THSD7B: variants seen among roughly 807,000 people sequenced by gnomAD.
The protein encoded by THSD7B is thrombospondin type-1 domain-containing protein 7B.
THSD7B carries 138 observed loss-of-function variants against 213.6 expected under a neutral mutation model. The observed-to-expected ratio is 0.65, with a 90% confidence interval of 0.56 to 0.74. The LOEUF (loss-of-function observed/expected upper bound fraction) is 0.74, where lower values mean the gene tolerates loss of function less well. Ranked by LOEUF, THSD7B falls within the 30% of genes least tolerant of loss-of-function variation. The probability of loss-of-function intolerance (pLI) is 0.00; values close to 1 mark genes in which losing one functional copy is unlikely to be tolerated. For missense variants in THSD7B, 1,931 were observed against 1,991.5 expected (o/e 0.97, Z 0.58); for synonymous variants, 742 against 687.0 (o/e 1.08, Z -1.25).
chr2:137,422,816 A>T (rs1686957220), intron 14 of THSD7B, among the ~76,000 whole-genome samples: 1 of 152,154 alleles, frequency 6.6e-6, no homozygotes, highest in African/African-American at 2.4e-5. Context: ...ATATTTCTAA[A>T]TCCAGAATTA....
chr2:137,092,689 C>T (rs942447334), intron 3 of THSD7B, among the ~76,000 whole-genome samples: 12 of 152,124 alleles, frequency 7.9e-5, no homozygotes, highest in South Asian at 2.1e-4. Flanking sequence ...GGCTGGAGTG[C>T]GGTGGTGCAG....
At chr2:137,552,603 G>T (rs1048631541) in intron 15 of THSD7B, among the ~76,000 whole-genome samples, 5 of 152,126 alleles carry the variant, frequency 3.3e-5, no homozygotes, top group African/African-American at 7.2e-5. Context: ...ATCACTGCTG[G>T]CCAGATACTA....
intron 7 of THSD7B, among the ~76,000 whole-genome samples, chr2:137,185,050 A>G (rs540189986): frequency 9.9e-5 from 15 of 152,256 alleles, no homozygotes; most frequent in African/African-American, 3.4e-4. Flanking sequence ...CAGCTACATT[A>G]TGGAGAATAA....
intron 2 of THSD7B, among the ~76,000 whole-genome samples, chr2:136,977,150 A>G (rs1685494981): frequency 6.6e-6 from 1 of 152,080 alleles, no homozygotes; most frequent in Admixed American, 6.5e-5. Flanking sequence ...AGAACTTATT[A>G]TTGGTCTATT....
At chr2:137,232,165 C>G (rs907026762) in intron 8 of THSD7B, among the ~76,000 whole-genome samples, 2 of 151,996 alleles carry the variant, frequency 1.3e-5, no homozygotes, top group African/African-American at 2.4e-5. Context: ...GAAGAGTAGG[C>G]AAAGATCGAT....
At chr2:137,499,286 A>G (rs1679647624) in intron 15 of THSD7B, among the ~76,000 whole-genome samples, 1 of 152,214 alleles carries the variant, frequency 6.6e-6, no homozygotes, top group Non-Finnish European at 1.5e-5. Context: ...GGTTCATTGT[A>G]AATCTAAAAT....
chr2:137,071,147 C>T (rs533900137), intron 3 of THSD7B, among the ~76,000 whole-genome samples: 1 of 152,284 alleles, frequency 6.6e-6, no homozygotes, highest in African/African-American at 2.4e-5. Context: ...CACTGACTTC[C>T]ACAATGGTTG....
intron 3 of THSD7B, among the ~76,000 whole-genome samples, chr2:137,060,682 G>A (rs1230825478): frequency 6.6e-6 from 1 of 151,880 alleles, no homozygotes; most frequent in Non-Finnish European, 1.5e-5. Flanking sequence ...GTTGATATGA[G>A]TCTGTTCTAT....
At chr2:137,140,704 C>T (rs577620922) in intron 5 of THSD7B, among the ~76,000 whole-genome samples, 3 of 152,054 alleles carry the variant, frequency 2.0e-5, no homozygotes, top group Admixed American at 1.3e-4. Flanking sequence ...TATTGAGTGT[C>T]CATTTTATGA....
chr2:137,295,408 A>G (rs145598722), intron 12 of THSD7B, among the ~76,000 whole-genome samples: 1 of 152,210 alleles, frequency 6.6e-6, no homozygotes, highest in African/African-American at 2.4e-5. Context: ...GCTGCATATT[A>G]TGCCTTCATC....
chr2:137,025,533 G>A (rs1239521851), intron 2 of THSD7B, among the ~76,000 whole-genome samples: 2 of 152,112 alleles, frequency 1.3e-5, no homozygotes, highest in African/African-American at 4.8e-5. Flanking sequence ...TACCACTTCT[G>A]TGGAGTTTTT....
At chr2:137,079,501 G>A (rs538098030) in intron 3 of THSD7B, among the ~76,000 whole-genome samples, 16 of 151,932 alleles carry the variant, frequency 1.1e-4, no homozygotes, top group Non-Finnish European at 1.6e-4. Context: ...TTTTTGTCTT[G>A]AATTTTAATT....
chr2:137,650,493 G>A (rs966918232), intron 21 of THSD7B, among the ~76,000 whole-genome samples: 3 of 152,078 alleles, frequency 2.0e-5, no homozygotes, highest in African/African-American at 4.8e-5. Flanking sequence ...AGAGCCTTTA[G>A]GTTTTTGTAA....
At chr2:136,872,690 A>T (rs1683452922) in intron 1 of THSD7B, among the ~76,000 whole-genome samples, 1 of 147,510 alleles carries the variant, frequency 6.8e-6, no homozygotes. Context: ...TGACAAGTGG[A>T]CACTTTAAAG....
intron 17 of THSD7B, among the ~76,000 whole-genome samples, chr2:137,575,592 T>G (rs573751663): frequency 4.7e-4 from 71 of 152,040 alleles, no homozygotes; most frequent in Non-Finnish European, 9.1e-4. Flanking sequence ...GACCATTTTT[T>G]TAAAACTGTA....
chr2:137,605,207 C>T (rs913202644), intron 17 of THSD7B, among the ~76,000 whole-genome samples: 9 of 152,110 alleles, frequency 5.9e-5, no homozygotes, highest in African/African-American at 1.9e-4. Context: ...GCTGAGTAAA[C>T]AATTGTGGAA....
chr2:137,370,726 C>G (rs1012752047), intron 12 of THSD7B, among the ~76,000 whole-genome samples: 1 of 152,078 alleles, frequency 6.6e-6, no homozygotes, highest in Non-Finnish European at 1.5e-5. Flanking sequence ...GCCTAGGCCT[C>G]CCAAAATGCT....
intron 14 of THSD7B, among the ~76,000 whole-genome samples, chr2:137,426,718 G>A (rs546267886): frequency 6.6e-6 from 1 of 152,164 alleles, no homozygotes; most frequent in South Asian, 2.1e-4. Flanking sequence ...AGACATAAGG[G>A]AAACATTCAT....
At chr2:137,465,128 A>G (rs921936693) in intron 15 of THSD7B, among the ~76,000 whole-genome samples, 2 of 151,990 alleles carry the variant, frequency 1.3e-5, no homozygotes, top group African/African-American at 4.8e-5. Context: ...TCTGCCATAT[A>G]TTAATCCTTT....
Sources: gnomAD v4.1 joint callset for allele counts (sites outside exome capture counted in the v4.1 genomes callset) on GRCh38, gnomAD v4.1.1 for gene constraint, MANE v1.5 for transcripts, NCBI Gene and HGNC (gene_info 2026-07-23, HGNC 2026-07-21) for gene names.